Variants in SCIN observed in about 807,000 individuals in gnomAD.
The protein encoded by SCIN is adseverin.
Under a neutral mutation model 91.8 loss-of-function variants are expected in SCIN, and 91 were observed. The ratio of observed to expected loss-of-function variants is 0.99; its 90% confidence interval spans 0.84 to 1.18. SCIN has a LOEUF of 1.18. SCIN is among the 50% of genes most tolerant of loss of function. The pLI, the probability that SCIN is intolerant of heterozygous loss-of-function variation, is 0.00. For synonymous variants in SCIN, 367 were observed against 312.6 expected, an observed-to-expected ratio of 1.17 and a Z score of -1.84; for missense variants, 1,087 against 863.9, an observed-to-expected ratio of 1.26 and a Z score of -3.24.
At chr7:12,647,948 A>G (rs1304473047) in intron 13 of SCIN, among the ~76,000 whole-genome samples, 1 of 152,128 alleles carries the variant, frequency 6.6e-6, no homozygotes, top group African/African-American at 2.4e-5. Context: ...GACATGGCCA[A>G]CGCCCCAGTC....
intron 3 of SCIN, among the ~76,000 whole-genome samples, chr7:12,592,389 A>C (rs376610523): frequency 2.0e-5 from 3 of 152,150 alleles, no homozygotes; most frequent in Non-Finnish European, 4.4e-5. Flanking sequence ...AGAAGACTGC[A>C]TGAGCAGAGC....
intron 10 of SCIN, among the ~76,000 whole-genome samples, chr7:12,638,969 G>A (rs912455899): frequency 2.0e-5 from 3 of 152,024 alleles, no homozygotes; most frequent in Non-Finnish European, 2.9e-5. Flanking sequence ...TGATGCACTC[G>A]ATTAATGAGT....
intron 13 of SCIN, among the ~76,000 whole-genome samples, chr7:12,647,600 G>T (rs1266108976): frequency 6.6e-6 from 1 of 152,160 alleles, no homozygotes; most frequent in East Asian, 1.9e-4. Flanking sequence ...TAACTTAGCT[G>T]TTGCATATAA....
In SCIN at chr7:12,570,733, T is replaced by G. The variant is rs775545659; in HGVS notation, c.-54T>G. ...TAAGGTTCCTCCTGCTGCTCTCGGT[T>G]TAGTCCAAGATCAGCGATATCACGC... On this transcript the variant is annotated 5_prime_UTR_variant, in exon 1 of 16. Transcript: ENST00000297029. The G allele has an allele frequency of 3.3e-6, 5 of 1,525,350 alleles. No individual in the cohort carries two copies. The South Asian group carries it at 6.0e-5, about 18-fold the overall frequency. The allele number at this position is 1,525,350 out of a possible 1,614,324, so 94.5% of individuals were successfully genotyped here.
intron 11 of SCIN, among the ~76,000 whole-genome samples, chr7:12,643,559 C>G (rs555345581): frequency 1.2e-4 from 18 of 152,288 alleles, no homozygotes; most frequent in African/African-American, 3.9e-4. Flanking sequence ...TTTAAAACTT[C>G]CAACAGCCAT....
intron 13 of SCIN, among the ~76,000 whole-genome samples, chr7:12,648,587 G>A (rs148766594): frequency 0.029 from 4,379 of 152,126 alleles, 76 homozygotes; most frequent in Middle Eastern, 0.051. Context: ...GAGCCACCAC[G>A]CCCAGCCCTA....
chr7:12,599,871 T>C (rs1782922651), intron 3 of SCIN, among the ~76,000 whole-genome samples: 1 of 152,220 alleles, frequency 6.6e-6, no homozygotes, highest in African/African-American at 2.4e-5. Context: ...GGATTGTTTC[T>C]TGCTGATGTG....
At chr7:12,601,617 CATA>C (rs1782959950) in intron 3 of SCIN, among the ~76,000 whole-genome samples, 1 of 151,918 alleles carries the variant, frequency 6.6e-6, no homozygotes, top group Non-Finnish European at 1.5e-5. Context: ...GTATCCCCAG[CATA>C]ATAAGCAGTG....
At chr7:12,601,532 C>T (rs1187379679) in intron 3 of SCIN, among the ~76,000 whole-genome samples, 2 of 152,178 alleles carry the variant, frequency 1.3e-5, no homozygotes, top group Non-Finnish European at 2.9e-5. Flanking sequence ...GAAAACCAAG[C>T]ACAGTGCAAA....
In SCIN at chr7:12,653,769, G is replaced by A. The variant is rs1784126783; in HGVS notation, c.*1054G>A. ...AACGATATCAAGTTACTTACTGGCA[G>A]GTAGCCACTAGAGAATCTTAGCAAT... On this transcript the variant is annotated 3_prime_UTR_variant, in exon 16 of 16. Coordinates refer to ENST00000297029, the MANE Select transcript of SCIN (RefSeq NM_001112706.3). The surrounding 1 kb of genome is among the most constrained non-coding windows in gnomAD (Gnocchi z 4.1). 1 of 152,166 alleles carries A rather than the reference G, an allele frequency of 6.6e-6. No individual in the cohort carries two copies. The highest frequency in any genetic ancestry group is 1.5e-5 in the Non-Finnish European group (1 of 68,032). 9.4% of individuals were successfully genotyped at this position (152,166 alleles called of 1,614,324 possible). A position where few individuals can be genotyped will look rare whatever the true frequency, so the allele number is the denominator to read the frequency against.
intron 9 of SCIN, among the ~76,000 whole-genome samples, chr7:12,631,938 T>C (rs1037131770): frequency 6.6e-6 from 1 of 152,028 alleles, no homozygotes; most frequent in Non-Finnish European, 1.5e-5. Context: ...GAAGAACATT[T>C]AGGGAACAAA....
chr7:12,626,561 A>G (rs1316019689), intron 7 of SCIN, 23 bp from the exon 8 acceptor site: 1 of 1,454,804 alleles, frequency 6.9e-7, no homozygotes, highest in South Asian at 1.3e-5. Context: ...CCTGTTTACT[A>G]TTATTATTAT....
chr7:12,625,683 A>G (rs984072369), intron 6 of SCIN, 79 bp from the exon 7 acceptor site: 33 of 1,014,564 alleles, frequency 3.3e-5, no homozygotes, highest in Middle Eastern at 2.7e-4. Context: ...CATGTTTATT[A>G]TGGTACACAA....
chr7:12,608,395 A>G (rs1783124241), intron 4 of SCIN, among the ~76,000 whole-genome samples: 1 of 151,596 alleles, frequency 6.6e-6, no homozygotes, highest in African/African-American at 2.4e-5. Context: ...TTTTTCTGAG[A>G]CCCTGGTGCA....
intron 9 of SCIN, among the ~76,000 whole-genome samples, chr7:12,633,729 A>C (rs1392371891): frequency 6.6e-6 from 1 of 152,174 alleles, no homozygotes; most frequent in East Asian, 1.9e-4. Context: ...GGAAGCGAGA[A>C]CTCAGGAAAC....
chr7:12,602,572 C>G lies in SCIN; in HGVS notation c.517-1942C>G, dbSNP rs559869841. Among the ~76,000 whole-genome samples the G allele has an allele frequency of 5.3e-5, 8 of 152,226 alleles. No individual in the cohort carries two copies. The East Asian group carries it at 1.5e-3, about 29-fold the overall frequency. ...CCGCATAAGACAGACACTCCCAGAG[C>G]GGCCGTTTATAGATCTCCCCCAAGG... On this transcript the variant is annotated intron_variant, in intron 3 of 15. Coordinates refer to ENST00000297029, the MANE Select transcript of SCIN (RefSeq NM_001112706.3).
At chr7:12,634,578 A>G (rs1326562224) in intron 9 of SCIN, among the ~76,000 whole-genome samples, 1 of 152,254 alleles carries the variant, frequency 6.6e-6, no homozygotes. Flanking sequence ...GTTAACTTTC[A>G]AAGTCTAAAT....
At chr7:12,577,935 T>A (rs1782409515) in intron 1 of SCIN, 129 bp from the exon 2 acceptor site, 1 of 758,470 alleles carries the variant, frequency 1.3e-6, no homozygotes, top group Non-Finnish European at 2.0e-6. Flanking sequence ...AGCTAAAAGA[T>A]CTTTGTGTAG....
rs1583330732 is a variant in SCIN at position 12,657,613 on chromosome 7, A to G, written c.*4898A>G. ...TTTTTTTTTTTGCATTGGCAAAAAA[A>G]CAAAGATATTGTTTAGCAATTTCCT... On this transcript the variant is annotated 3_prime_UTR_variant, in exon 16 of 16. Transcript: ENST00000297029. 1 of 126,776 alleles carries G rather than the reference A, an allele frequency of 7.9e-6. No individual in the cohort carries two copies. The highest frequency in any genetic ancestry group is 2.8e-5 in the African/African-American group (1 of 35,938). The allele number at this position is 126,776 out of a possible 1,614,324, so 7.9% of individuals were successfully genotyped here.
Sources: gnomAD v4.1 joint callset for allele counts (sites outside exome capture counted in the v4.1 genomes callset) on GRCh38, gnomAD v4.1.1 for gene constraint, Gnocchi (gnomAD v3.1) non-coding constraint, MANE v1.5 for transcripts, NCBI Gene and HGNC (gene_info 2026-07-23, HGNC 2026-07-21) for gene names.